Variants in MSH3 observed in about 807,000 individuals in gnomAD.
MSH3 encodes the protein DNA mismatch repair protein Msh3.
Under a neutral mutation model 123.3 loss-of-function variants are expected in MSH3, and 106 were observed. That is an observed-to-expected ratio of 0.86 (90% confidence interval 0.73 to 1.01). The LOEUF (loss-of-function observed/expected upper bound fraction) is 1.01. Ranked by LOEUF, MSH3 falls within the 50% of genes least tolerant of loss-of-function variation. MSH3 has a pLI of 0.00. For synonymous variants in MSH3, 515 were observed against 481.4 expected (o/e 1.07, Z -0.91); for missense variants, 1,459 against 1,347.6 (o/e 1.08, Z -1.29).
chr5:80,672,592 C>A, intron 5 of MSH3, 149 bp from the exon 6 acceptor site: 1 of 744,998 alleles, frequency 1.3e-6, no homozygotes, highest in Non-Finnish European at 2.3e-6. Context: ...GCAAATTATC[C>A]ACCCTTGTCA....
At chr5:80,804,046 G>A (rs779758038) in intron 19 of MSH3, among the ~76,000 whole-genome samples, 1 of 152,086 alleles carries the variant, frequency 6.6e-6, no homozygotes, top group African/African-American at 2.4e-5. Context: ...AGATCCTTTT[G>A]TGTTTCCATA....
At position 80,866,931 on chromosome 5, in the gene MSH3, C is replaced by T. The variant is rs969494598; in HGVS notation, c.3130+1989C>T. On this transcript the variant is annotated intron_variant, in intron 22 of 23. Coordinates refer to ENST00000265081, the MANE Select transcript of MSH3 (RefSeq NM_002439.5). The stretch of plus-strand genomic sequence containing the variant: ...ATCTTCCTGTACCCTCAGATAGCTT[C>T]GTAAAATGCCTCTCTAGATGTTTTT... Among the ~76,000 whole-genome samples the T allele has an allele frequency of 3.3e-5, 5 of 152,116 alleles. No homozygotes were observed. The East Asian group carries it at 7.7e-4, about 23-fold the overall frequency.
chr5:80,832,656 G>A (rs1745439744), intron 20 of MSH3, among the ~76,000 whole-genome samples: 1 of 151,496 alleles, frequency 6.6e-6, no homozygotes, highest in Non-Finnish European at 1.5e-5. Context: ...AGTAGTGATG[G>A]CTACACAACA....
At chr5:80,743,431 G>A (rs1054508515) in intron 11 of MSH3, among the ~76,000 whole-genome samples, 4 of 152,010 alleles carry the variant, frequency 2.6e-5, no homozygotes, top group Non-Finnish European at 5.9e-5. Context: ...TCCTAATTAC[G>A]AGTCTTTTTC....
intron 3 of MSH3, among the ~76,000 whole-genome samples, chr5:80,665,693 A>G (rs1454051329): frequency 6.6e-6 from 1 of 152,178 alleles, no homozygotes; most frequent in Non-Finnish European, 1.5e-5. Flanking sequence ...TCTTCCTTAG[A>G]GTTTCCATGA....
intron 17 of MSH3, among the ~76,000 whole-genome samples, chr5:80,786,671 C>T (rs1744515452): frequency 6.6e-6 from 1 of 152,074 alleles, no homozygotes; most frequent in African/African-American, 2.4e-5. Context: ...GTTTTGGGTC[C>T]TTTTTGTAGT....
chr5:80,839,188 G>A (rs59880182), intron 20 of MSH3, among the ~76,000 whole-genome samples: 6,490 of 152,104 alleles, frequency 0.043, 452 homozygotes, highest in African/African-American at 0.15. Flanking sequence ...CCAACATACC[G>A]AAACCCCATC....
At chr5:80,722,186 C>A (rs1044526250) in intron 8 of MSH3, among the ~76,000 whole-genome samples, 1 of 152,134 alleles carries the variant, frequency 6.6e-6, no homozygotes, top group African/African-American at 2.4e-5. Context: ...CTCATACGAT[C>A]TCCTTGCTCA....
chr5:80,790,289 C>T (rs1172650798), intron 18 of MSH3, among the ~76,000 whole-genome samples: 1 of 152,140 alleles, frequency 6.6e-6, no homozygotes, highest in Admixed American at 6.5e-5. Flanking sequence ...CTTCAGTATA[C>T]TCTACTGTAA....
At chr5:80,818,482 A>ACCTTTTTTTTTTTT (rs1745146516) in intron 20 of MSH3, among the ~76,000 whole-genome samples, 1 of 150,090 alleles carries the variant, frequency 6.7e-6, no homozygotes, top group Non-Finnish European at 1.5e-5. Context: ...CCAGTCACCC[A>ACCTTTTTTTTTTTT]GTTCCAACAT....
intron 13 of MSH3, among the ~76,000 whole-genome samples, chr5:80,765,804 G>A (rs186114900): frequency 1.3e-4 from 20 of 151,898 alleles, no homozygotes; most frequent in Non-Finnish European, 1.6e-4. Flanking sequence ...TCTTCATTTT[G>A]GTGGAGTATA....
intron 21 of MSH3, among the ~76,000 whole-genome samples, chr5:80,855,182 C>G (rs1211801849): frequency 1.3e-5 from 2 of 152,000 alleles, no homozygotes; most frequent in African/African-American, 4.8e-5. Context: ...TTGGTCTCTG[C>G]TTTTCAAATC....
intron 21 of MSH3, among the ~76,000 whole-genome samples, chr5:80,855,250 T>TC (rs1044464606): frequency 9.9e-5 from 15 of 152,094 alleles, no homozygotes; most frequent in Non-Finnish European, 1.8e-4. Flanking sequence ...CTTTCTGTTT[T>TC]CCCCCCCATT....
At chr5:80,785,036 CATA>C (rs1254221283) in intron 17 of MSH3, among the ~76,000 whole-genome samples, 1 of 152,112 alleles carries the variant, frequency 6.6e-6, no homozygotes, top group African/African-American at 2.4e-5. Flanking sequence ...TTTAAAAAGT[CATA>C]ATGATTATAT....
chr5:80,813,041 T>C (rs1745036155), intron 19 of MSH3, among the ~76,000 whole-genome samples: 2 of 152,262 alleles, frequency 1.3e-5, no homozygotes. Context: ...AATTAAGTTG[T>C]TGCAAGAGTT....
In MSH3 at chr5:80,762,403, G is replaced by A. The variant is rs1475688236; in HGVS notation, c.1896+725G>A. Among the ~76,000 whole-genome samples the A allele has an allele frequency of 2.6e-5, 4 of 151,750 alleles. No homozygotes were observed. The South Asian group carries it at 8.3e-4, about 32-fold the overall frequency. On this transcript the variant is annotated intron_variant, in intron 13 of 23. Coordinates refer to ENST00000265081, the MANE Select transcript of MSH3 (RefSeq NM_002439.5). ...ATTTTTATTACCTTCTTACTAATAA[G>A]AAATTATATCTAATGCTATATATGT...
intron 10 of MSH3, among the ~76,000 whole-genome samples, chr5:80,729,693 A>T (rs149613471): frequency 4.6e-5 from 7 of 152,142 alleles, no homozygotes; most frequent in African/African-American, 1.7e-4. Context: ...GCTTTTTACA[A>T]GAGTGATTAA....
chr5:80,752,154 A>G (rs139100458), intron 12 of MSH3, among the ~76,000 whole-genome samples: 104 of 152,112 alleles, frequency 6.8e-4, no homozygotes, highest in Non-Finnish European at 1.1e-3. Flanking sequence ...ATATTTAAAA[A>G]TAAAGGAAAA....
chr5:80,827,072 A>T (rs1745329149), intron 20 of MSH3, among the ~76,000 whole-genome samples: 2 of 152,212 alleles, frequency 1.3e-5, no homozygotes, highest in Admixed American at 6.5e-5. Flanking sequence ...TCTGTTTATT[A>T]TCTTGATGAA....
Sources: gnomAD v4.1 joint callset for allele counts (sites outside exome capture counted in the v4.1 genomes callset) on GRCh38, gnomAD v4.1.1 for gene constraint, MANE v1.5 for transcripts, NCBI Gene and HGNC (gene_info 2026-07-23, HGNC 2026-07-21) for gene names.